DPH6: variants seen among roughly 807,000 people sequenced by gnomAD.
The protein encoded by DPH6 is diphthamine biosynthesis 6.
DPH6 carries 33 observed loss-of-function variants against 38.2 expected under a neutral mutation model. The ratio of observed to expected loss-of-function variants is 0.86; its 90% CI spans 0.65 to 1.15. DPH6 has a LOEUF of 1.15. Among genes scored for constraint, DPH6 ranks in the 50% most tolerant of loss-of-function variants. The pLI, the probability that DPH6 is intolerant of heterozygous loss-of-function variation, is 0.00. For missense variants in DPH6, 325 were observed against 320.0 expected (o/e 1.02, Z -0.12); for synonymous variants, 108 against 103.0 (o/e 1.05, Z -0.30).
In DPH6 at chr15:35,240,471, G is replaced by T. The variant is rs1007059938; in HGVS notation, n.201-19889C>A. On this transcript the variant is annotated intron_variant and non_coding_transcript_variant, in intron 3 of 3. Coordinates refer to the DPH6 transcript ENST00000560386. ...CTCCCCTCCTTGCCAGCCCAAGCTA[G>T]GTCCCAATTCTTCCTCAGCCTCCGC... Among the ~76,000 whole-genome samples, 3 of 142,304 alleles carry T rather than the reference G, an allele frequency of 2.1e-5. 1 individual carries two copies. The highest frequency in any genetic ancestry group is 7.6e-5 in the African/African-American group (3 of 39,298). 93.4% of individuals were successfully genotyped at this position (142,304 alleles called of 152,430 possible). A position where few individuals can be genotyped will look rare whatever the true frequency, so the allele number is the denominator to read the frequency against.
At chr15:35,470,352 G>A (rs1375180684) in intron 3 of DPH6, among the ~76,000 whole-genome samples, 1 of 151,990 alleles carries the variant, frequency 6.6e-6, no homozygotes, top group East Asian at 1.9e-4. Flanking sequence ...ATCACAAAGA[G>A]GTCGAGGAAT....
Position 35,542,965 on chromosome 15 carries a change from T to TATATATATATATATAAAA in DPH6, c.24-459_24-458insTTTTATATATATATATAT, listed in dbSNP as rs58422347. 8.0e-4 allele frequency among the ~76,000 whole-genome samples: 61 copies of TATATATATATATATAAAA among 76,168 alleles called. 3 individuals carry two copies. Among genetic ancestry groups the TATATATATATATATAAAA allele is most frequent in the Non-Finnish European group, 1.3e-3 (49 of 38,352 alleles). 50.0% of individuals were successfully genotyped at this position (76,168 alleles called of 152,430 possible). ...TAAGGAATATATATATATATATATA[T>TATATATATATATATAAAA]AAAATAATTTCATAGAAATTATTGG... On this transcript the variant is annotated intron_variant, in intron 1 of 8. Coordinates refer to ENST00000256538, the MANE Select transcript of DPH6 (RefSeq NM_080650.4).
intron 3 of DPH6, among the ~76,000 whole-genome samples, chr15:35,350,849 C>T (rs187656520): frequency 6.6e-6 from 1 of 152,254 alleles, no homozygotes; most frequent in Non-Finnish European, 1.5e-5. Context: ...TGTGGCCTAA[C>T]ATGTCATCTT....
chr15:35,309,847 T>C (rs964506212), intron 3 of DPH6, among the ~76,000 whole-genome samples: 4 of 152,202 alleles, frequency 2.6e-5, no homozygotes, highest in African/African-American at 7.2e-5. Context: ...TTCTGAAAGT[T>C]ACCTTTAGAA....
chr15:35,342,323 T>C (rs761754465), intron 3 of DPH6, among the ~76,000 whole-genome samples: 5 of 152,200 alleles, frequency 3.3e-5, no homozygotes, highest in Non-Finnish European at 7.3e-5. Context: ...CAAGGAGATC[T>C]CCTGATCTAT....
intron 6 of DPH6, chr15:35,401,030 C>T (rs1262814868): frequency 1.2e-5 from 11 of 887,228 alleles, no homozygotes; most frequent in Admixed American, 1.7e-5. Context: ...TTAAAGAAGA[C>T]ACAGAAGAAC....
chr15:35,313,758 T>C (rs1168455316), intron 3 of DPH6, among the ~76,000 whole-genome samples: 4 of 152,168 alleles, frequency 2.6e-5, no homozygotes, highest in Admixed American at 2.6e-4. Context: ...AATCATGTTG[T>C]GTGTGCACAG....
the DPH6 span, among the ~76,000 whole-genome samples, chr15:35,146,294 T>C: frequency 1.3e-5 from 2 of 152,208 alleles, no homozygotes; most frequent in Non-Finnish European, 2.9e-5. Context: ...AAAGTATATT[T>C]GACCACAGAA....
intron 3 of DPH6, among the ~76,000 whole-genome samples, chr15:35,259,517 G>A (rs1443892199): frequency 6.6e-6 from 1 of 152,168 alleles, no homozygotes; most frequent in Non-Finnish European, 1.5e-5. Flanking sequence ...CAGCTTCACA[G>A]CATTAGCTCT....
At chr15:35,363,105 T>C (rs1412522614) in intron 3 of DPH6, among the ~76,000 whole-genome samples, 1 of 152,210 alleles carries the variant, frequency 6.6e-6, no homozygotes. Context: ...GAAAATAATA[T>C]GTGTACTGCA....
intron 5 of DPH6, among the ~76,000 whole-genome samples, chr15:35,422,433 A>G (rs2053517500): frequency 6.6e-6 from 1 of 151,970 alleles, no homozygotes; most frequent in African/African-American, 2.4e-5. Context: ...TTATTGAGAT[A>G]TAGTTGAGAA....
chr15:35,504,897 A>T (rs947908153), intron 3 of DPH6, among the ~76,000 whole-genome samples: 1 of 152,122 alleles, frequency 6.6e-6, no homozygotes, highest in Non-Finnish European at 1.5e-5. Context: ...AACATATCAA[A>T]GTAAAAAAAG....
At chr15:35,541,940 G>A (rs1379552716) in intron 2 of DPH6, among the ~76,000 whole-genome samples, 1 of 152,020 alleles carries the variant, frequency 6.6e-6, no homozygotes, top group Non-Finnish European at 1.5e-5. Flanking sequence ...CACATTTCTG[G>A]CTTACATCTA....
intron 3 of DPH6, among the ~76,000 whole-genome samples, chr15:35,362,894 C>A (rs187291105): frequency 3.9e-4 from 60 of 152,182 alleles, no homozygotes; most frequent in African/African-American, 1.3e-3. Flanking sequence ...TACTGTTGTC[C>A]CCATGGGGAA....
intron 3 of DPH6, chr15:35,520,895 T>A (rs1453868032): frequency 1.0e-6 from 1 of 985,006 alleles, no homozygotes; most frequent in Non-Finnish European, 1.2e-6. Flanking sequence ...AAAAACAGTA[T>A]ACAACTCATT....
chr15:35,407,339 C>G (rs1365498152), intron 6 of DPH6, among the ~76,000 whole-genome samples: 1 of 151,818 alleles, frequency 6.6e-6, no homozygotes, highest in Non-Finnish European at 1.5e-5. Context: ...AGAACAAGTA[C>G]CTTGTTTGTT....
At chr15:35,197,981 G>A in the DPH6 span, among the ~76,000 whole-genome samples, 1 of 151,988 alleles carries the variant, frequency 6.6e-6, no homozygotes, top group Admixed American at 6.6e-5. Flanking sequence ...AATGCTCAGA[G>A]CCAAATGTGA....
chr15:35,283,505 C>A (rs1334458350), intron 3 of DPH6, among the ~76,000 whole-genome samples: 1 of 151,932 alleles, frequency 6.6e-6, no homozygotes, highest in Non-Finnish European at 1.5e-5. Flanking sequence ...ACCATATTGG[C>A]CAGGCTGGTC....
At chr15:35,528,719 C>G (rs947103767) in intron 3 of DPH6, among the ~76,000 whole-genome samples, 24 of 152,292 alleles carry the variant, frequency 1.6e-4, no homozygotes, top group Admixed American at 1.5e-3. Context: ...AATAGCCTAG[C>G]ATACGCATAT....
Sources: gnomAD v4.1 joint callset for allele counts (sites outside exome capture counted in the v4.1 genomes callset) on GRCh38, gnomAD v4.1.1 for gene constraint, MANE v1.5 for transcripts, NCBI Gene and HGNC (gene_info 2026-07-23, HGNC 2026-07-21) for gene names.